The following FBXL17 variants were observed in gnomAD, a reference collection of about 807,000 sequenced individuals.
The protein encoded by FBXL17 is F-box/LRR-repeat protein 17.
Under a neutral mutation model 66.2 loss-of-function variants are expected in FBXL17, and 22 were observed. The ratio of observed to expected loss-of-function variants is 0.33; its 90% confidence interval spans 0.24 to 0.47. The LOEUF is 0.47. FBXL17 is among the 20% of genes least tolerant of loss of function. FBXL17 has a pLI of 1.00. For synonymous variants in FBXL17, 474 were observed against 400.5 expected, an observed-to-expected ratio of 1.18 and a Z score of -2.19; for missense variants, 878 against 948.2, an observed-to-expected ratio of 0.93 and a Z score of 0.97.
At chr5:107,861,926 A>C in intron 8 of FBXL17, 66 bp from the exon 9 acceptor site, 2 of 1,388,076 alleles carry the variant, frequency 1.4e-6, no homozygotes, top group South Asian at 1.8e-5. Context: ...GCCCACGCTC[A>C]CTGATGTGCT....
At chr5:107,866,618 T>C (rs910688257) in intron 8 of FBXL17, among the ~76,000 whole-genome samples, 10 of 152,200 alleles carry the variant, frequency 6.6e-5, no homozygotes, top group African/African-American at 2.4e-4. Flanking sequence ...AAGTTCCAGA[T>C]AAGTGTAAAC....
At chr5:108,222,416 A>C (rs1754904766) in intron 5 of FBXL17, among the ~76,000 whole-genome samples, 1 of 152,188 alleles carries the variant, frequency 6.6e-6, no homozygotes, top group Non-Finnish European at 1.5e-5. Flanking sequence ...GGTTATAGGA[A>C]ATGAATTAAA....
intron 5 of FBXL17, among the ~76,000 whole-genome samples, chr5:108,214,461 G>A (rs1008488484): frequency 2.7e-5 from 4 of 150,454 alleles, no homozygotes; most frequent in African/African-American, 4.9e-5. Context: ...TCCACCTCCC[G>A]GGTTCAAGAG....
intron 6 of FBXL17, among the ~76,000 whole-genome samples, chr5:108,126,651 C>CTATATATATATACATATATATA (rs1554067325): frequency 1.2e-4 from 13 of 108,036 alleles, no homozygotes; most frequent in Admixed American, 1.9e-4. Flanking sequence ...CTCTCTCTCT[C>CTATATATATATACATATATATA]TATATATATA....
intron 6 of FBXL17, among the ~76,000 whole-genome samples, chr5:108,158,917 T>C (rs1271597834): frequency 6.6e-6 from 1 of 152,144 alleles, no homozygotes; most frequent in Non-Finnish European, 1.5e-5. Context: ...ACATTTTCTC[T>C]GTGGTGTAGA....
chr5:107,971,972 T>A (rs566992292), intron 7 of FBXL17, among the ~76,000 whole-genome samples: 81 of 152,358 alleles, frequency 5.3e-4, no homozygotes, highest in Non-Finnish European at 9.4e-4. Flanking sequence ...GTGTACTTAT[T>A]ATACTCATTC....
chr5:108,099,126 G>C (rs1749502916), intron 6 of FBXL17, among the ~76,000 whole-genome samples: 1 of 151,974 alleles, frequency 6.6e-6, no homozygotes, highest in African/African-American at 2.4e-5. Context: ...TTTCCAGTGG[G>C]AATCCACCAA....
intron 5 of FBXL17, among the ~76,000 whole-genome samples, chr5:108,220,517 T>C (rs1265208516): frequency 1.3e-5 from 2 of 152,190 alleles, no homozygotes; most frequent in Non-Finnish European, 2.9e-5. Flanking sequence ...TAAAGTTGTT[T>C]CAGGAAAGAG....
At chr5:108,353,706 A>C (rs563301354) in intron 3 of FBXL17, among the ~76,000 whole-genome samples, 61 of 152,302 alleles carry the variant, frequency 4.0e-4, no homozygotes, top group African/African-American at 1.4e-3. Context: ...ATGTAAGGAA[A>C]GGGATATACC....
At chr5:107,974,563 C>A (rs1289655221) in intron 7 of FBXL17, among the ~76,000 whole-genome samples, 2 of 152,148 alleles carry the variant, frequency 1.3e-5, no homozygotes, top group African/African-American at 4.8e-5. Flanking sequence ...CTAAATAACA[C>A]ACCTAGAGAC....
At chr5:108,109,640 G>A (rs1749952438) in intron 6 of FBXL17, among the ~76,000 whole-genome samples, 1 of 152,046 alleles carries the variant, frequency 6.6e-6, no homozygotes, top group South Asian at 2.1e-4. Context: ...AGGGGTCTGA[G>A]CCATGAACCT....
intron 7 of FBXL17, among the ~76,000 whole-genome samples, chr5:107,905,883 A>C (rs1200508858): frequency 6.6e-6 from 1 of 152,112 alleles, no homozygotes; most frequent in Non-Finnish European, 1.5e-5. Context: ...TCCTGTGGTA[A>C]TTTGTGTGTC....
At chr5:108,152,865 T>C (rs1751824464) in intron 6 of FBXL17, among the ~76,000 whole-genome samples, 2 of 152,190 alleles carry the variant, frequency 1.3e-5, no homozygotes, top group Admixed American at 1.3e-4. Flanking sequence ...CTGGGCATCT[T>C]ATATGGTTTG....
chr5:107,984,044 C>A (rs907938911), intron 7 of FBXL17, among the ~76,000 whole-genome samples: 16 of 152,104 alleles, frequency 1.1e-4, no homozygotes, highest in Non-Finnish European at 4.4e-5. Context: ...CTTCTTGTAT[C>A]TGTAAATTCT....
At position 108,381,759 on chromosome 5, in the gene FBXL17, G is replaced by C. The variant is rs987031565; in HGVS notation, c.-68C>G. On this transcript the variant is annotated 5_prime_UTR_variant, in exon 1 of 9. Coordinates refer to ENST00000542267, the MANE Select transcript of FBXL17 (RefSeq NM_001163315.3). ...GACCCAGAGAGGCGGGCTCCCGGCA[G>C]CGGGGCAGGCCGCTCGCTGGCTCGG... The C allele has an allele frequency of 4.2e-5, 58 of 1,376,616 alleles. No individual in the cohort carries two copies. Among genetic ancestry groups the C allele is most frequent in the Non-Finnish European group, 4.9e-5 (53 of 1,071,188 alleles). The allele number at this position is 1,376,616 out of a possible 1,614,324, so 85.3% of individuals were successfully genotyped here. A position where few individuals can be genotyped will look rare whatever the true frequency, so the allele number is the denominator to read the frequency against.
intron 6 of FBXL17, among the ~76,000 whole-genome samples, chr5:108,168,178 AGTC>A (rs1177696497): frequency 8.2e-5 from 7 of 85,378 alleles, no homozygotes; most frequent in Admixed American, 4.4e-4. Flanking sequence ...TAAAATAGAA[AGTC>A]AAAAGTTGTT....
intron 7 of FBXL17, among the ~76,000 whole-genome samples, chr5:107,945,081 A>C (rs1751237696): frequency 6.6e-6 from 1 of 152,120 alleles, no homozygotes; most frequent in Admixed American, 6.6e-5. Context: ...AAAAAATTGA[A>C]TCTTCTAAAT....
chr5:108,068,513 T>C (rs1429967855), intron 6 of FBXL17, among the ~76,000 whole-genome samples: 1 of 151,784 alleles, frequency 6.6e-6, no homozygotes, highest in Non-Finnish European at 1.5e-5. Context: ...TGGAGTGCAG[T>C]GGCGCAATCT....
intron 7 of FBXL17, among the ~76,000 whole-genome samples, chr5:107,995,502 T>G (rs958270889): frequency 1.3e-5 from 2 of 152,106 alleles, no homozygotes; most frequent in African/African-American, 4.8e-5. Context: ...AGGACTTATT[T>G]GAGAGAGGAC....
Sources: allele counts gnomAD v4.1 joint callset (sites outside exome capture counted in the v4.1 genomes callset), GRCh38; gene constraint gnomAD v4.1.1; transcripts MANE v1.5; gene names NCBI Gene and HGNC (gene_info 2026-07-23, HGNC 2026-07-21).